ATF7: variants seen among roughly 807,000 people sequenced by gnomAD.
The protein encoded by ATF7 is activating transcription factor 7, also known as cyclic AMP-dependent transcription factor ATF-7.
ATF7 carries 10 observed loss-of-function variants against 50.4 expected under a neutral mutation model. The observed-to-expected ratio is 0.20, with a 90% CI of 0.12 to 0.34. The LOEUF (loss-of-function observed/expected upper bound fraction) is 0.34. Ranked by LOEUF, ATF7 falls within the 10% of genes least tolerant of loss-of-function variation. ATF7 has a pLI of 1.00. For synonymous variants in ATF7, 201 were observed against 226.4 expected (o/e 0.89, Z 1.01); for missense variants, 465 against 613.9 (o/e 0.76, Z 2.56).
chr12:53,614,281 G>T (rs528228907), intron 1 of ATF7, among the ~76,000 whole-genome samples: 22 of 152,262 alleles, frequency 1.4e-4, no homozygotes, highest in Non-Finnish European at 2.6e-4. Flanking sequence ...GAAATAACTG[G>T]AGAACATTGT....
chr12:53,511,486 G>A (rs1345151111), downstream of ATF7, among the ~76,000 whole-genome samples: 1 of 152,156 alleles, frequency 6.6e-6, no homozygotes, highest in African/African-American at 2.4e-5. Flanking sequence ...CTGACCTCAG[G>A]TGATCAACCC....
At position 53,513,154 on chromosome 12, in the gene ATF7, C is replaced by T. The variant is rs1355291685; in HGVS notation, c.*3983G>A. On this transcript the variant is annotated 3_prime_UTR_variant, in exon 12 of 12. Transcript: ENST00000420353. ...TAGCTATGATACAAACCTACATCTA[C>T]AGAGGACATAAGCTCCTTTAACCTG... 14 of 152,188 alleles carry T rather than the reference C, an allele frequency of 9.2e-5. No individual in the cohort carries two copies. The East Asian group carries it at 2.7e-3, about 29-fold the overall frequency. The allele number at this position is 152,188 out of a possible 1,614,324, so 9.4% of individuals were successfully genotyped here.
chr12:53,587,204 T>C (rs562046431), intron 2 of ATF7, among the ~76,000 whole-genome samples: 244 of 150,094 alleles, frequency 1.6e-3, no homozygotes, highest in African/African-American at 5.8e-3. Flanking sequence ...CCATCTCTAC[T>C]GAAAATACAA....
intron 5 of ATF7, 56 bp from the exon 6 acceptor site, chr12:53,534,715 A>AT (rs1319540626): frequency 6.4e-7 from 1 of 1,550,956 alleles, no homozygotes; most frequent in Non-Finnish European, 8.7e-7. Context: ...TTATAGGGAA[A>AT]TATATAGATG....
intron 2 of ATF7, among the ~76,000 whole-genome samples, chr12:53,591,548 T>A (rs915723298): frequency 2.6e-5 from 4 of 152,202 alleles, no homozygotes; most frequent in Non-Finnish European, 4.4e-5. Flanking sequence ...CTTACGAGTA[T>A]CACCCTGATG....
intron 1 of ATF7, among the ~76,000 whole-genome samples, chr12:53,623,522 A>G (rs1469648504): frequency 6.6e-6 from 1 of 152,222 alleles, no homozygotes; most frequent in East Asian, 1.9e-4. Context: ...TAACTTTAGT[A>G]CTTTTATTAA....
chr12:53,531,694 ACATAAAGATACGT>A (rs772634270), intron 9 of ATF7, 37 bp downstream of exon 9: 39 of 1,537,558 alleles, frequency 2.5e-5, no homozygotes, highest in African/African-American at 4.1e-5. Flanking sequence ...AATAGATATG[ACATAAAGATACGT>A]CATAAAGATA....
intron 1 of ATF7, among the ~76,000 whole-genome samples, chr12:53,609,568 C>A (rs1156493625): frequency 2.0e-5 from 3 of 151,220 alleles, no homozygotes; most frequent in Non-Finnish European, 2.9e-5. Context: ...ATCCCTTGAG[C>A]CCAAGAGTTC....
rs1328735806 is a variant in ATF7 at position 53,570,761 on chromosome 12, GTGTGTGTGTGTGTGTA to G, written c.49-18140_49-18125del. On this transcript the variant is annotated intron_variant, in intron 2 of 11. Transcript: ENST00000420353. ...CGTGTGTGTGTGTGTGTGTGTGTGT[GTGTGTGTGTGTGTGTA>G]TGTCCAATTTCCTCTTTTTATAGGA... 2.6e-5 allele frequency among the ~76,000 whole-genome samples: 4 copies of G among 151,370 alleles called. No homozygotes were observed. The Admixed American group carries it at 2.7e-4, about 10-fold the overall frequency.
At chr12:53,565,882 C>G (rs1434438419) in intron 2 of ATF7, among the ~76,000 whole-genome samples, 1 of 152,124 alleles carries the variant, frequency 6.6e-6, no homozygotes, top group African/African-American at 2.4e-5. Flanking sequence ...ACGACATACC[C>G]AAGACTGGGT....
intron 11 of ATF7, among the ~76,000 whole-genome samples, chr12:53,517,828 TA>T (rs1437317005): frequency 1.3e-5 from 2 of 152,128 alleles, no homozygotes; most frequent in African/African-American, 4.8e-5. Context: ...CCTCTTTGAT[TA>T]ATTCTCACAG....
In ATF7 at chr12:53,534,553, G is replaced by A; in HGVS notation, c.509C>T (p.Pro170Leu). Reference protein sequence around the residue: ...LGYDPLHPTLPSPTSVITQAP... With the variant: ...LGYDPLHPTLLSPTSVITQAP... Reference sequence around the variant, plus strand: ...CTGTGTGATGACAGAGGTTGGGGAGGGAAGGGTTGGATGAAGTGGATCATA... The same window carrying A: ...CTGTGTGATGACAGAGGTTGGGGAGAGAAGGGTTGGATGAAGTGGATCATA... Residue 170 changes from proline (P) to leucine (L), a missense_variant, in exon 6 of 12, where the codon CCC becomes CTC. Physicochemically the swap from Pro to Leu is moderately conservative, Grantham distance 98. Coordinates refer to ENST00000420353, the MANE Select transcript of ATF7 (RefSeq NM_006856.3). 1 of 1,613,902 alleles carries A rather than the reference G, an allele frequency of 6.2e-7. No homozygotes were observed. The highest frequency in any genetic ancestry group is 8.5e-7 in the Non-Finnish European group (1 of 1,179,852).
intron 1 of ATF7, among the ~76,000 whole-genome samples, chr12:53,619,636 A>G (rs1363902700): frequency 1.3e-5 from 2 of 151,674 alleles, no homozygotes; most frequent in African/African-American, 2.4e-5. Flanking sequence ...AACATGGGAA[A>G]CTCTGTCTCT....
At chr12:53,596,392 T>C (rs945335067) in intron 2 of ATF7, among the ~76,000 whole-genome samples, 2 of 149,650 alleles carry the variant, frequency 1.3e-5, no homozygotes, top group African/African-American at 2.4e-5. Context: ...ATACTAACTC[T>C]CCATGAGTAG....
At chr12:53,576,610 C>T (rs1306272603) in intron 2 of ATF7, among the ~76,000 whole-genome samples, 1 of 152,178 alleles carries the variant, frequency 6.6e-6, no homozygotes, top group East Asian at 1.9e-4. Context: ...AAGCAGAGAG[C>T]AGCCCTTGTG....
intron 2 of ATF7, among the ~76,000 whole-genome samples, chr12:53,567,178 A>G (rs10876465): frequency 0.17 from 26,624 of 152,250 alleles, 2,965 homozygotes; most frequent in East Asian, 0.56. Context: ...AATGGAATAT[A>G]CAAGAAATTA....
chr12:53,549,121 C>A (rs1372070123), intron 3 of ATF7, among the ~76,000 whole-genome samples: 1 of 151,952 alleles, frequency 6.6e-6, no homozygotes, highest in African/African-American at 2.4e-5. Flanking sequence ...CCCGTCTCTA[C>A]TAAAAATACA....
chr12:53,615,387 AAAAAG>A (rs985537183), intron 1 of ATF7, among the ~76,000 whole-genome samples: 3 of 152,160 alleles, frequency 2.0e-5, no homozygotes, highest in African/African-American at 4.8e-5. Flanking sequence ...CTGTCTCAAA[AAAAAG>A]AAAAGAAAAA....
At chr12:53,539,996 G>T (rs1270806182) in intron 4 of ATF7, among the ~76,000 whole-genome samples, 1 of 151,854 alleles carries the variant, frequency 6.6e-6, no homozygotes, top group African/African-American at 2.4e-5. Context: ...CTTGAGCCTG[G>T]GAGTTTGAGG....
Sources: gnomAD v4.1 joint callset for allele counts (sites outside exome capture counted in the v4.1 genomes callset) on GRCh38, gnomAD v4.1.1 for gene constraint, MANE v1.5 for transcripts, NCBI Gene and HGNC (gene_info 2026-07-23, HGNC 2026-07-21) for gene names.